MAPK10: variants seen among roughly 807,000 people sequenced by gnomAD.
The protein encoded by MAPK10 is JNK3 alpha protein kinase.
MAPK10 carries 25 observed loss-of-function variants against 59.3 expected under a neutral mutation model. The observed-to-expected ratio is 0.42, with a 90% CI of 0.31 to 0.59. The LOEUF is 0.59. Among genes scored for constraint, MAPK10 ranks in the 20% least tolerant of loss-of-function variants. The probability of loss-of-function intolerance (pLI) is 0.15; values close to 1 mark genes in which losing one functional copy is unlikely to be tolerated. For synonymous variants in MAPK10, 190 were observed against 200.5 expected (o/e 0.95, Z 0.44); for missense variants, 351 against 568.9 (o/e 0.62, Z 3.90).
chr4:86,248,212 G>A (rs1276745340), intron 2 of MAPK10, among the ~76,000 whole-genome samples: 1 of 152,070 alleles, frequency 6.6e-6, no homozygotes, highest in Non-Finnish European at 1.5e-5. Context: ...GTGTGTCATT[G>A]GTTTTTTTCT....
intron 4 of MAPK10, among the ~76,000 whole-genome samples, chr4:86,133,923 A>G (rs2149148480): frequency 6.6e-6 from 1 of 152,362 alleles, no homozygotes; most frequent in African/African-American, 2.4e-5. Flanking sequence ...AATGGGATGA[A>G]AATTTAAGAT....
chr4:86,407,346 G>A (rs1455665206), intron 1 of MAPK10, among the ~76,000 whole-genome samples: 2 of 152,122 alleles, frequency 1.3e-5, no homozygotes, highest in African/African-American at 4.8e-5. Context: ...ACAATCAAGA[G>A]AACATATGGA....
intron 9 of MAPK10, among the ~76,000 whole-genome samples, chr4:86,074,497 T>C (rs1472586820): frequency 4.1e-5 from 6 of 145,624 alleles, no homozygotes; most frequent in African/African-American, 7.9e-5. Flanking sequence ...CTCGATGGTC[T>C]TTACATTTTG....
chr4:86,536,376 A>G (rs1758246924), intron 1 of MAPK10, among the ~76,000 whole-genome samples: 1 of 152,234 alleles, frequency 6.6e-6, no homozygotes, highest in African/African-American at 2.4e-5. Flanking sequence ...ACAGATGTGT[A>G]TAACAGAACA....
intron 2 of MAPK10, among the ~76,000 whole-genome samples, chr4:86,293,146 T>C (rs2095271807): frequency 6.6e-6 from 1 of 152,168 alleles, no homozygotes. Flanking sequence ...AAGAAGGCAA[T>C]AAAAGTGTGG....
At chr4:86,380,733 T>C (rs1740566571) in intron 1 of MAPK10, among the ~76,000 whole-genome samples, 1 of 152,136 alleles carries the variant, frequency 6.6e-6, no homozygotes. Flanking sequence ...ATAGTGAAAG[T>C]GAAGAATGAA....
intron 2 of MAPK10, among the ~76,000 whole-genome samples, chr4:86,229,189 A>C (rs1213281826): frequency 6.6e-6 from 1 of 152,176 alleles, no homozygotes; most frequent in Admixed American, 6.5e-5. Flanking sequence ...GGTCCACATG[A>C]AGTTTAATTT....
chr4:86,074,512 G>A (rs2048800618), intron 9 of MAPK10, among the ~76,000 whole-genome samples: 1 of 141,232 alleles, frequency 7.1e-6, no homozygotes, highest in Non-Finnish European at 1.5e-5. Flanking sequence ...ATTTTGGCAT[G>A]ATTTTGCAGT....
chr4:86,289,100 C>T (rs1012556727), intron 2 of MAPK10, among the ~76,000 whole-genome samples: 8 of 152,100 alleles, frequency 5.3e-5, no homozygotes, highest in Admixed American at 3.9e-4. Context: ...TCAGATATGG[C>T]CTCTGCTTTA....
At chr4:86,241,025 G>A (rs2092690931) in intron 2 of MAPK10, among the ~76,000 whole-genome samples, 1 of 152,178 alleles carries the variant, frequency 6.6e-6, no homozygotes. Flanking sequence ...TTGCAGGGCA[G>A]GCCTGGTGGT....
intron 1 of MAPK10, among the ~76,000 whole-genome samples, chr4:86,504,004 C>G (rs1755526086): frequency 6.6e-6 from 1 of 152,072 alleles, no homozygotes; most frequent in South Asian, 2.1e-4. Context: ...ATTCAAATGT[C>G]TATACAAATG....
At chr4:86,195,567 T>C (rs2081091419) in intron 2 of MAPK10, among the ~76,000 whole-genome samples, 1 of 150,226 alleles carries the variant, frequency 6.7e-6, no homozygotes. Flanking sequence ...TTACTTCTTT[T>C]TTTATTTGTA....
chr4:86,429,716 T>C (rs2149039767), intron 1 of MAPK10: 1 of 151,926 alleles, frequency 6.6e-6, no homozygotes, highest in African/African-American at 2.4e-5. Flanking sequence ...GGCAGGAGGA[T>C]CACTCAAGCA....
rs113366267 is a variant in MAPK10 at position 86,214,679 on chromosome 4, A to C, written c.-6-20272T>G. On this transcript the variant is annotated intron_variant, in intron 2 of 13. Coordinates refer to ENST00000641462, the MANE Select transcript of MAPK10 (RefSeq NM_138982.4). ...TTCAAATTACAATAGCATCAGAAAG[A>C]ATGAAATACTTAGGAATTGACTTAA... Among the ~76,000 whole-genome samples, 1,138 of 152,208 alleles carry C rather than the reference A, an allele frequency of 7.5e-3. 13 individuals carry two copies. Among genetic ancestry groups the C allele is most frequent in the African/African-American group, 0.026 (1,076 of 41,558 alleles).
chr4:86,177,881 C>A (rs1371378304), intron 3 of MAPK10, among the ~76,000 whole-genome samples: 1 of 151,786 alleles, frequency 6.6e-6, no homozygotes, highest in African/African-American at 2.4e-5. Flanking sequence ...CTTTTATTAT[C>A]CAGAGGAATA....
chr4:86,459,720 T>C (rs1455174895), intron 1 of MAPK10, among the ~76,000 whole-genome samples: 1 of 152,116 alleles, frequency 6.6e-6, no homozygotes, highest in Non-Finnish European at 1.5e-5. Context: ...GCTATGAGGA[T>C]GCAAAGGCAT....
chr4:86,537,326 C>T (rs76120286), intron 1 of MAPK10, among the ~76,000 whole-genome samples: 7,129 of 152,224 alleles, frequency 0.047, 220 homozygotes, highest in African/African-American at 0.059. Context: ...GCAGTGATTT[C>T]CAGTGTTATT....
At chr4:86,527,437 A>G (rs1320840422) in intron 1 of MAPK10, among the ~76,000 whole-genome samples, 1 of 152,056 alleles carries the variant, frequency 6.6e-6, no homozygotes, top group Non-Finnish European at 1.5e-5. Flanking sequence ...CATCAGAGAA[A>G]TGCAAATCAA....
intron 4 of MAPK10, among the ~76,000 whole-genome samples, chr4:86,151,712 T>C (rs1390127164): frequency 6.6e-6 from 1 of 151,982 alleles, no homozygotes; most frequent in East Asian, 1.9e-4. Flanking sequence ...CATAAAAAGA[T>C]GTAGGGAGGG....
Sources: allele counts gnomAD v4.1 joint callset (sites outside exome capture counted in the v4.1 genomes callset), GRCh38; gene constraint gnomAD v4.1.1; transcripts MANE v1.5; gene names NCBI Gene and HGNC (gene_info 2026-07-23, HGNC 2026-07-21).